Variants in CSMD2 observed in about 807,000 individuals in gnomAD.
The protein encoded by CSMD2 is CUB and sushi domain-containing protein 2.
In CSMD2, 130 loss-of-function variants were observed where a neutral mutation model predicts 398.5. That is an observed-to-expected ratio of 0.33 (90% CI 0.28 to 0.38). CSMD2 has a LOEUF of 0.38. Among genes scored for constraint, CSMD2 ranks in the 10% least tolerant of loss-of-function variants. The probability of loss-of-function intolerance (pLI) is 1.00; values close to 1 mark genes in which losing one functional copy is unlikely to be tolerated. For synonymous variants in CSMD2, 1,828 were observed against 1,908.5 expected (o/e 0.96, Z 1.10); for missense variants, 3,829 against 4,764.9 (o/e 0.80, Z 5.78).
rs1647164855 is a variant in CSMD2 at position 33,743,724 on chromosome 1, C to A, written c.1847-118G>T. The stretch of plus-strand genomic sequence containing the variant: ...AAAGCAACAGAAAGAAAGAGTGGCA[C>A]AAGGGTTGGGCTGGACTGGCTGGGC... On this transcript the variant is annotated intron_variant, in intron 13 of 70. Transcript: ENST00000373381. 4 of 764,526 alleles carry A rather than the reference C, an allele frequency of 5.2e-6. 1 individual carries two copies. The highest frequency in any genetic ancestry group is 8.2e-6 in the Non-Finnish European group (4 of 485,968). The allele number at this position is 764,526 out of a possible 1,614,324, so 47.4% of individuals were successfully genotyped here. A position where few individuals can be genotyped will look rare whatever the true frequency, so the allele number is the denominator to read the frequency against.
chr1:33,590,153 G>C (rs1025078458), intron 44 of CSMD2, among the ~76,000 whole-genome samples: 3 of 149,892 alleles, frequency 2.0e-5, no homozygotes, highest in African/African-American at 7.4e-5. Flanking sequence ...TCAGGGTCTT[G>C]CTCTGTCACC....
At chr1:33,819,584 T>C (rs1657864083) in intron 9 of CSMD2, 129 bp downstream of exon 9, 1 of 744,762 alleles carries the variant, frequency 1.3e-6, no homozygotes, top group Non-Finnish European at 2.2e-6. Flanking sequence ...GGTAAATAAG[T>C]GCAGGGAGTG....
intron 2 of CSMD2, among the ~76,000 whole-genome samples, chr1:34,052,496 T>TGG (rs1653315049): frequency 4.8e-5 from 1 of 20,830 alleles, no homozygotes; most frequent in African/African-American, 5.1e-4. Context: ...ATGGGACAAC[T>TGG]GTGTGTGTGT....
rs952194077 is a variant in CSMD2, at chr1:33,546,059, G to A, written c.9078C>T (p.Ser3026=). Residue 3026 remains serine, a synonymous_variant, in exon 57 of 71, where the codon AGC becomes AGT. Transcript: ENST00000373381. ...TACCTCCACACTCAGGCTGCGAGCC[G>A]CTCCACGAGCCATTGGCTTGACAGG... ...ERTCQANGSW[S]GSQPECGVIS... The A allele has an allele frequency of 4.3e-6, 7 of 1,613,542 alleles. No individual in the cohort carries two copies. Among genetic ancestry groups the A allele is most frequent in the South Asian group, 1.1e-5 (1 of 91,066 alleles).
chr1:33,689,848 T>C (rs1645176754), intron 25 of CSMD2, among the ~76,000 whole-genome samples: 1 of 152,326 alleles, frequency 6.6e-6, no homozygotes, highest in East Asian at 1.9e-4. Flanking sequence ...AGAAAGCACA[T>C]AAGCATATAT....
At chr1:33,999,703 A>C (rs960361623) in intron 3 of CSMD2, among the ~76,000 whole-genome samples, 1 of 152,166 alleles carries the variant, frequency 6.6e-6, no homozygotes, top group African/African-American at 2.4e-5. Context: ...CAGAAACTAG[A>C]TTCTTGGCCC....
chr1:33,817,622 G>A (rs1296805262), intron 9 of CSMD2, among the ~76,000 whole-genome samples: 1 of 152,202 alleles, frequency 6.6e-6, no homozygotes, highest in Non-Finnish European at 1.5e-5. Flanking sequence ...AAGCTTATGT[G>A]GACAGTGCCC....
chr1:33,524,040 C>T (rs1368037669), intron 66 of CSMD2, among the ~76,000 whole-genome samples: 10 of 152,174 alleles, frequency 6.6e-5, no homozygotes, highest in Admixed American at 5.9e-4. Context: ...AAAAAATGAT[C>T]TCTCCTGATC....
At chr1:33,576,183 TC>T (rs1465760988) in intron 49 of CSMD2, among the ~76,000 whole-genome samples, 5 of 152,254 alleles carry the variant, frequency 3.3e-5, no homozygotes, top group African/African-American at 1.2e-4. Context: ...TATAAGTTTA[TC>T]GTCACAAAGA....
At chr1:33,760,975 A>G (rs1569789029) in intron 13 of CSMD2, among the ~76,000 whole-genome samples, 1 of 152,256 alleles carries the variant, frequency 6.6e-6, no homozygotes, top group East Asian at 1.9e-4. Flanking sequence ...CAAGGAATGA[A>G]CAGGTAACTC....
chr1:33,540,940 G>A (rs1342451252), intron 59 of CSMD2, among the ~76,000 whole-genome samples, 190 bp downstream of exon 59: 2 of 152,150 alleles, frequency 1.3e-5, no homozygotes, highest in Non-Finnish European at 2.9e-5. Context: ...CATGGCCCAG[G>A]CCTTATTTTG....
chr1:33,873,051 G>A (rs375626182), intron 5 of CSMD2, among the ~76,000 whole-genome samples: 2 of 145,628 alleles, frequency 1.4e-5, no homozygotes, highest in Middle Eastern at 7.1e-3. Context: ...TTGGGCATAT[G>A]GGGGGCAGAT....
At chr1:33,874,047 C>T (rs1640657877) in intron 5 of CSMD2, among the ~76,000 whole-genome samples, 2 of 152,210 alleles carry the variant, frequency 1.3e-5, no homozygotes, top group Non-Finnish European at 2.9e-5. Context: ...TGTGTGTTCC[C>T]ATAATAGCTT....
At chr1:34,044,488 C>T (rs950536488) in intron 2 of CSMD2, among the ~76,000 whole-genome samples, 1 of 151,890 alleles carries the variant, frequency 6.6e-6, no homozygotes, top group Admixed American at 6.6e-5. Context: ...CCAGAGAATG[C>T]AGGTTATTAT....
chr1:33,711,431 T>C (rs1346266485), intron 21 of CSMD2, among the ~76,000 whole-genome samples: 3 of 152,204 alleles, frequency 2.0e-5, no homozygotes, highest in African/African-American at 2.4e-5. Context: ...AATAGCATTC[T>C]CATAAGACTG....
At chr1:34,146,621 A>C (rs138663143) in intron 1 of CSMD2, among the ~76,000 whole-genome samples, 3 of 152,284 alleles carry the variant, frequency 2.0e-5, no homozygotes, top group Admixed American at 2.0e-4. Context: ...ATGCAGAAAA[A>C]TGCTTGAGAA....
intron 44 of CSMD2, among the ~76,000 whole-genome samples, chr1:33,593,476 T>C (rs970653451): frequency 7.9e-5 from 12 of 152,224 alleles, no homozygotes; most frequent in Non-Finnish European, 1.5e-4. Flanking sequence ...GAAAGGCATG[T>C]CTCACATGGT....
intron 3 of CSMD2, among the ~76,000 whole-genome samples, chr1:33,970,177 C>G (rs1224985474): frequency 6.6e-6 from 1 of 151,528 alleles, no homozygotes; most frequent in Admixed American, 6.6e-5. Context: ...AGCCACTGTG[C>G]TGGCTGGCTC....
rs1643813190 is a variant in CSMD2 at position 33,652,481 on chromosome 1, AG to A, written c.4448-21del. 1.2e-6 allele frequency: 2 copies of A among 1,611,564 alleles called. No homozygotes were observed. Among genetic ancestry groups the A allele is most frequent in the East Asian group, 2.2e-5 (1 of 44,770 alleles). ...AGGGAGCTGAGGAGAGAAGAAGACGAGGGTGAGGCTGCCTCTTCACCCTGGG... is the reference window on the plus strand; with the variant it reads ...AGGGAGCTGAGGAGAGAAGAAGACGAGGTGAGGCTGCCTCTTCACCCTGGG... On this transcript the variant is annotated intron_variant, in intron 27 of 70. Coordinates refer to ENST00000373381, the MANE Select transcript of CSMD2 (RefSeq NM_001281956.2).
Sources: gnomAD v4.1 joint callset for allele counts (sites outside exome capture counted in the v4.1 genomes callset) on GRCh38, gnomAD v4.1.1 for gene constraint, MANE v1.5 for transcripts, NCBI Gene and HGNC (gene_info 2026-07-23, HGNC 2026-07-21) for gene names.